Variants in PCNT observed in about 807,000 individuals in gnomAD.
PCNT encodes the protein kendrin.
Under a neutral mutation model 380.4 loss-of-function variants are expected in PCNT, and 319 were observed. The ratio of observed to expected loss-of-function variants is 0.84; its 90% CI spans 0.77 to 0.92. The LOEUF (loss-of-function observed/expected upper bound fraction) is 0.92. PCNT is among the 40% of genes least tolerant of loss of function. The pLI, the probability that PCNT is intolerant of heterozygous loss-of-function variation, is 0.00. For missense variants in PCNT, 4,400 were observed against 4,255.3 expected, an observed-to-expected ratio of 1.03 and a Z score of -0.95; for synonymous variants, 1,845 against 1,735.2, an observed-to-expected ratio of 1.06 and a Z score of -1.57.
At chr21:46,328,718 C>T (rs1427714836) in intron 2 of PCNT, among the ~76,000 whole-genome samples, 1 of 152,006 alleles carries the variant, frequency 6.6e-6, no homozygotes, top group Non-Finnish European at 1.5e-5. Context: ...ACCTTGGCCT[C>T]CCAAAGTGCT....
chr21:46,441,170 T>G lies in PCNT; in HGVS notation c.9623+86T>G. Reference sequence around the variant, plus strand: ...CTGCATGGTTTTTTGGTCATTTTATTCCTTGAAACTCCATAATATGTTCTT... The same window carrying G: ...CTGCATGGTTTTTTGGTCATTTTATGCCTTGAAACTCCATAATATGTTCTT... On this transcript the variant is annotated intron_variant, in intron 43 of 46. Coordinates refer to ENST00000359568, the MANE Select transcript of PCNT (RefSeq NM_006031.6). 4 of 816,778 alleles carry G rather than the reference T, an allele frequency of 4.9e-6. No individual in the cohort carries two copies. In the South Asian group the frequency reaches 5.5e-5, roughly 11 times the overall value. 50.6% of individuals were successfully genotyped at this position (816,778 alleles called of 1,614,324 possible).
At chr21:46,403,681 T>C (rs1243619732) in intron 27 of PCNT, among the ~76,000 whole-genome samples, 2 of 146,598 alleles carry the variant, frequency 1.4e-5, no homozygotes, top group African/African-American at 5.2e-5. Context: ...ATCGTGTGTG[T>C]GTGGTGCCCA....
At position 46,428,527 on chromosome 21, in the gene PCNT, C is replaced by T. The variant is rs889158444; in HGVS notation, c.7627C>T (p.Arg2543Cys). 2.3e-5 allele frequency: 37 copies of T among 1,610,776 alleles called. No individual in the cohort carries two copies. The highest frequency in any genetic ancestry group is 1.8e-4 in the East Asian group (8 of 44,866). Reference protein sequence around the residue: ...LQNQEKLQHLRTALTSAEARG... With the variant: ...LQNQEKLQHLCTALTSAEARG... ...GAACCAGGAGAAGCTGCAGCACTTG[C>T]GCACGGCGCTGACAAGCGCAGAGGC... Residue 2543 changes from arginine (R) to cysteine (C), a missense_variant, in exon 35 of 47, where the codon CGC becomes TGC. Transcript: ENST00000359568.
At chr21:46,358,900 A>G (rs1167996394) in intron 13 of PCNT, among the ~76,000 whole-genome samples, 2 of 151,926 alleles carry the variant, frequency 1.3e-5, no homozygotes. Flanking sequence ...TCCTGGGTTC[A>G]TGCCATTCTC....
chr21:46,422,840 C>G (rs774889769), intron 32 of PCNT, among the ~76,000 whole-genome samples: 3 of 152,198 alleles, frequency 2.0e-5, no homozygotes, highest in Non-Finnish European at 4.4e-5. Flanking sequence ...CCGCAGCTCC[C>G]GTTGTCTCAG....
At chr21:46,419,806 T>C (rs1314061316) in intron 31 of PCNT, among the ~76,000 whole-genome samples, 1 of 152,012 alleles carries the variant, frequency 6.6e-6, no homozygotes, top group East Asian at 1.9e-4. Context: ...AGTGGCGTAG[T>C]CTCGACTCAC....
intron 25 of PCNT, 88 bp from the exon 26 acceptor site, chr21:46,401,463 T>A (rs2086424834): frequency 9.2e-7 from 1 of 1,086,084 alleles, no homozygotes; most frequent in African/African-American, 1.6e-5. Context: ...CAGGTGCAGC[T>A]AAAGATGGTC....
In PCNT at chr21:46,398,091, G is replaced by A. The variant is rs1284257910; in HGVS notation, c.4524G>A (p.Gln1508=). 1 of 1,598,592 alleles carries A rather than the reference G, an allele frequency of 6.3e-7. No individual in the cohort carries two copies. The highest frequency in any genetic ancestry group is 8.5e-7 in the Non-Finnish European group (1 of 1,173,916). Residue 1508 remains glutamine, a synonymous_variant, in exon 23 of 47, where the codon CAG becomes CAA. Coordinates refer to ENST00000359568, the MANE Select transcript of PCNT (RefSeq NM_006031.6). Reference sequence around the variant, plus strand: ...AGAGGCTGGAGGGGCAGCTCCGCCAGGCGGCCAAGCCGCAGCCCTGGGGCC... The same window carrying A: ...AGAGGCTGGAGGGGCAGCTCCGCCAAGCGGCCAAGCCGCAGCCCTGGGGCC... The part of the protein sequence containing the change: ...EIQRLEGQLR[Q]AAKPQPWGPR...
At chr21:46,370,521 A>C (rs2839231) in intron 15 of PCNT, among the ~76,000 whole-genome samples, 1 of 151,760 alleles carries the variant, frequency 6.6e-6, no homozygotes, top group Non-Finnish European at 1.5e-5. Context: ...TGACAGGGGA[A>C]GCCACGCTTA....
Position 46,437,074 on chromosome 21 carries a change from C to T in PCNT, c.9092C>T (p.Ser3031Phe), listed in dbSNP as rs267606167. The T allele has an allele frequency of 6.2e-7, 1 of 1,613,024 alleles. No homozygotes were observed. The highest frequency in any genetic ancestry group is 1.3e-5 in the African/African-American group (1 of 75,038). ...AAGTCTGACTTGAGCAGGCCCACCT[C>T]CTCCCAGGTAAGGGGTGAGCGCCCC... is the stretch of plus-strand genomic sequence containing the variant. ...ELKSDLSRPT[S>F]SQKKMAAELQ... is the part of the protein sequence containing the mutation. Residue 3031 changes from serine to phenylalanine, a missense_variant, in exon 40 of 47, where the codon TCC (serine) becomes TTC (phenylalanine). Coordinates refer to ENST00000359568, the MANE Select transcript of PCNT (RefSeq NM_006031.6).
intron 2 of PCNT, among the ~76,000 whole-genome samples, 189 bp from the exon 3 acceptor site, chr21:46,334,204 CAAAA>C (rs35021942): frequency 2.1e-5 from 2 of 97,098 alleles, no homozygotes; most frequent in Non-Finnish European, 4.8e-5. Flanking sequence ...GACTCCGTCT[CAAAA>C]AAAAAAAAAA....
rs139624079 is a variant in PCNT, at chr21:46,411,424, G to A, written c.5351G>A (p.Arg1784His). ...CTCTGCTCCCAGGCCGGGGGCCCTC[G>A]TGGGCAGGCCCTACAGGGCGAGCTC... is the stretch of plus-strand genomic sequence containing the variant. ...ELLCSQAGGP[R>H]GQALQGELEA... Residue 1784 changes from arginine to histidine, a missense_variant, in exon 28 of 47, where the codon CGT (arginine) becomes CAT (histidine). Arg to His is a conservative substitution (Grantham distance 29). Coordinates refer to ENST00000359568, the MANE Select transcript of PCNT (RefSeq NM_006031.6). 18 of 1,612,746 alleles carry A rather than the reference G, an allele frequency of 1.1e-5. No homozygotes were observed. Among genetic ancestry groups the A allele is most frequent in the African/African-American group, 8.0e-5 (6 of 74,948 alleles).
rs763163550 is a variant in PCNT at position 46,444,743 on chromosome 21, C to T, written c.9889C>T (p.Gln3297Ter). 1.2e-6 allele frequency: 2 copies of T among 1,613,014 alleles called. No individual in the cohort carries two copies. Among genetic ancestry groups the T allele is most frequent in the East Asian group, 2.2e-5 (1 of 44,842 alleles). The change falls in exon 46 of 47, where the codon CAA becomes TAA. Residue 3297 changes from glutamine to a stop codon, truncating the protein, a stop_gained. Transcript: ENST00000359568. LOFTEE classifies it high-confidence loss of function. Reference protein sequence around the residue: ...SRLERSLTASQDPEHSLTEYI... With the variant: ...SRLERSLTAS ...ATTAGAAAGATCCCTGACTGCTTCTCAAGATCCAGAACATTCCTTGACAGA... is the reference window on the plus strand; with the variant it reads ...ATTAGAAAGATCCCTGACTGCTTCTTAAGATCCAGAACATTCCTTGACAGA...
intron 1 of PCNT, chr21:46,325,222 TCCCC>T (rs112048989): frequency 9.2e-6 from 9 of 980,548 alleles, no homozygotes; most frequent in Non-Finnish European, 1.1e-5. Context: ...TGCGCGCCGC[TCCCC>T]CCCAGGATGT....
chr21:46,445,364 T>G lies in PCNT; in HGVS notation c.*37T>G. On this transcript the variant is annotated 3_prime_UTR_variant, in exon 47 of 47. Coordinates refer to ENST00000359568, the MANE Select transcript of PCNT (RefSeq NM_006031.6). ...TGGCTCTTTCCTGCGACAATTCTAT[T>G]TGAGGAAAAGATTTGTTTTTCCCTT... The G allele has an allele frequency of 6.6e-7, 1 of 1,519,002 alleles. No individual in the cohort carries two copies. The highest frequency in any genetic ancestry group is 9.1e-7 in the Non-Finnish European group (1 of 1,093,166). 94.1% of individuals were successfully genotyped at this position (1,519,002 alleles called of 1,614,324 possible). A position where few individuals can be genotyped will look rare whatever the true frequency, so the allele number is the denominator to read the frequency against.
chr21:46,326,066 C>T (rs1260305728), intron 1 of PCNT, among the ~76,000 whole-genome samples: 1 of 152,198 alleles, frequency 6.6e-6, no homozygotes, highest in African/African-American at 2.4e-5. Context: ...ATTAAGCTAT[C>T]AATCTTTTAT....
chr21:46,358,755 G>C (rs1376651103), intron 13 of PCNT, among the ~76,000 whole-genome samples: 1 of 151,654 alleles, frequency 6.6e-6, no homozygotes, highest in East Asian at 1.9e-4. Flanking sequence ...CTCCCTAGTA[G>C]CTGGAATTAC....
At chr21:46,332,179 C>A (rs1038549208) in intron 2 of PCNT, among the ~76,000 whole-genome samples, 1 of 152,042 alleles carries the variant, frequency 6.6e-6, no homozygotes, top group Non-Finnish European at 1.5e-5. Flanking sequence ...AGAGAACCAT[C>A]CAAAAATTGC....
chr21:46,334,950 A>G (rs1223030554), intron 3 of PCNT, among the ~76,000 whole-genome samples, 182 bp downstream of exon 3: 2 of 152,174 alleles, frequency 1.3e-5, no homozygotes, highest in African/African-American at 2.4e-5. Flanking sequence ...TGCCGCCTGC[A>G]CGTTCTTAGT....
Sources: allele counts gnomAD v4.1 joint callset (sites outside exome capture counted in the v4.1 genomes callset), GRCh38; gene constraint gnomAD v4.1.1; transcripts MANE v1.5; gene names NCBI Gene and HGNC (gene_info 2026-07-23, HGNC 2026-07-21).